The following NABP1 variants were observed in gnomAD, a reference collection of about 807,000 sequenced individuals.
NABP1 encodes SOSS complex subunit B2.
In NABP1, 18 loss-of-function variants were observed where a neutral mutation model predicts 25.0. The observed-to-expected ratio is 0.72, with a 90% CI of 0.50 to 1.07. The LOEUF is 1.07. Ranked by LOEUF, NABP1 falls within the 50% of genes least tolerant of loss-of-function variation. The pLI, the probability that NABP1 is intolerant of heterozygous loss-of-function variation, is 0.00. For synonymous variants in NABP1, 71 were observed against 85.0 expected (o/e 0.84, Z 0.91); for missense variants, 270 against 255.6 (o/e 1.06, Z -0.39).
chr2:191,680,007 G>C (rs565598912), intron 2 of NABP1, among the ~76,000 whole-genome samples: 1 of 152,122 alleles, frequency 6.6e-6, no homozygotes, highest in Non-Finnish European at 1.5e-5. Flanking sequence ...TGGATGTTGC[G>C]CAAAAACCAA....
Position 191,683,177 on chromosome 2 carries a change from A to C in NABP1, c.303-552A>C, listed in dbSNP as rs913278398. 6.1e-6 allele frequency: 1 copy of C among 163,392 alleles called. No homozygotes were observed. The highest frequency in any genetic ancestry group is 2.4e-5 in the African/African-American group (1 of 41,514). The allele number at this position is 163,392 out of a possible 1,614,324, so 10.1% of individuals were successfully genotyped here. ...AAATGCTTCTTTGTAATGTTAGTAC[A>C]CATTATATGGTCAACTTACAGGAAG... On this transcript the variant is annotated intron_variant, in intron 3 of 5. Transcript: ENST00000425611. This position sits in a 1 kb window ranked among gnomAD's most constrained non-coding sequence, Gnocchi z 4.1.
At position 191,684,249 on chromosome 2, in the gene NABP1, A is replaced by T; in HGVS notation, c.398A>T (p.Asn133Ile). The T allele has an allele frequency of 6.5e-7, 1 of 1,542,348 alleles. No individual in the cohort carries two copies. The highest frequency in any genetic ancestry group is 2.4e-5 in the East Asian group (1 of 40,892). ...TTTTAGGCACAGAGTGAACAGAAGA[A>T]TAATTCCATGAATAGTAATATGGGT... ...QNKGAQSEQK[N>I]NSMNSNMGTG... is the part of the protein sequence containing the mutation. Residue 133 changes from asparagine (N) to isoleucine (I), a missense_variant, in exon 5 of 6, where the codon AAT becomes ATT. By Grantham distance (149) the Asn-to-Ile change is moderately radical. Transcript: ENST00000425611.
rs943122713 is a variant in NABP1, at chr2:191,679,125, G to A, written c.227G>A (p.Arg76Lys). The change falls in exon 2 of 6, where the codon AGA (arginine) becomes AAA (lysine). Residue 76 changes from arginine to lysine, a missense_variant. Physicochemically the swap from Arg to Lys is conservative, Grantham distance 26 (BLOSUM62 2). Transcript: ENST00000425611. ...IQPGDIIRLT[R>K]GYASMWKGCL... is the part of the protein sequence containing the mutation. ...CCAGGGGATATTATTCGGTTGACCA[G>A]AGGGTAGGTGTGCAAAAAAGTCGGG... 2.5e-6 allele frequency: 4 copies of A among 1,614,054 alleles called. No homozygotes were observed. The African/African-American group carries it at 5.3e-5, about 22-fold the overall frequency.
At position 191,683,005 on chromosome 2, in the gene NABP1, C is replaced by T. The variant is rs1687728527; in HGVS notation, c.303-724C>T. The T allele has an allele frequency of 1.3e-5, 2 of 159,836 alleles. No individual in the cohort carries two copies. Among genetic ancestry groups the T allele is most frequent in the Admixed American group, 6.3e-5 (1 of 15,998 alleles). 9.9% of individuals were successfully genotyped at this position (159,836 alleles called of 1,614,324 possible). ...GATTCTGTCCTGACCTTCATGTATTCATACAGAGGTGTTGATAATAATGGA... is the reference window on the plus strand; with the variant it reads ...GATTCTGTCCTGACCTTCATGTATTTATACAGAGGTGTTGATAATAATGGA... On this transcript the variant is annotated intron_variant, in intron 3 of 5. Transcript: ENST00000425611. The surrounding 1 kb of genome is among the most constrained non-coding windows in gnomAD (Gnocchi z 4.1).
rs1257750879 is a variant in NABP1, at chr2:191,685,643, T to C, written c.490T>C (p.Ser164Pro). The change falls in exon 6 of 6, where the codon TCA becomes CCA. Residue 164 changes from serine to proline, a missense_variant. By Grantham distance (74) the Ser-to-Pro change is moderately conservative (BLOSUM62 -1). Transcript: ENST00000425611. ...CCCTGAATCAAGGGAACACCAGTTT[T>C]CACATGCTGGCAGAAGCAATGGCCG... ...TGPESREHQFSHAGRSNGRGL... is the reference protein window; with the variant it reads ...TGPESREHQFPHAGRSNGRGL... The C allele has an allele frequency of 6.8e-6, 11 of 1,613,834 alleles. No homozygotes were observed. The highest frequency in any genetic ancestry group is 5.0e-5 in the Admixed American group (3 of 59,972).
chr2:191,679,255 CCTTTGGTGTTAA>C, intron 2 of NABP1, 127 bp downstream of exon 2: 1 of 1,130,746 alleles, frequency 8.8e-7, no homozygotes, highest in Non-Finnish European at 1.3e-6. Context: ...GTTTTGAACT[CCTTTGGTGTTAA>C]CTTTGGGTGG....
Position 191,678,450 on chromosome 2 carries a change from C to A in NABP1, c.-165C>A. ...TTTCTTTTTTTAGGCTCAGTGCTGT[C>A]CGGGCTGGTTTGCCCGGTCCCTGAC... On this transcript the variant is annotated 5_prime_UTR_variant, in exon 1 of 6. Transcript: ENST00000425611. 3 of 279,826 alleles carry A rather than the reference C, an allele frequency of 1.1e-5. No individual in the cohort carries two copies. The highest frequency in any genetic ancestry group is 1.3e-5 in the Non-Finnish European group (2 of 153,638). 17.3% of individuals were successfully genotyped at this position (279,826 alleles called of 1,614,324 possible). A position where few individuals can be genotyped will look rare whatever the true frequency, so the allele number is the denominator to read the frequency against.
intron 1 of NABP1, 80 bp from the exon 2 acceptor site, chr2:191,678,910 A>G: frequency 6.3e-7 from 1 of 1,592,730 alleles, no homozygotes; most frequent in Non-Finnish European, 8.6e-7. Flanking sequence ...AGATGTATTA[A>G]AATACCGGAG....
At chr2:191,682,496 G>T (rs1687713407) in intron 3 of NABP1, 1 of 470,904 alleles carries the variant, frequency 2.1e-6, no homozygotes, top group African/African-American at 2.0e-5. Context: ...CCACAGTCTA[G>T]GTGCGGTGCA....
chr2:191,682,173 A>C, intron 3 of NABP1, 156 bp downstream of exon 3: 1 of 478,862 alleles, frequency 2.1e-6, no homozygotes, highest in Non-Finnish European at 3.8e-6. Flanking sequence ...GTGTATACAA[A>C]TTTAACACTT....
Position 191,685,730 on chromosome 2 carries a change from A to G in NABP1, c.577A>G (p.Ser193Gly), listed in dbSNP as rs144560484. 6 of 1,614,030 alleles carry G rather than the reference A, an allele frequency of 3.7e-6. No homozygotes were observed. The African/African-American group carries it at 8.0e-5, about 22-fold the overall frequency. Residue 193 changes from serine (S) to glycine (G), a missense_variant, in exon 6 of 6, where the codon AGT becomes GGT. Transcript: ENST00000425611. ...TAATCAAACAGTGATGACCACAATA[A>G]GTAATGGCAGGGACCCTCGGAGAGC... ...ASNQTVMTTISNGRDPRRAFK... is the reference protein window; with the variant it reads ...ASNQTVMTTIGNGRDPRRAFK...
intron 5 of NABP1, 135 bp from the exon 6 acceptor site, chr2:191,685,463 GT>G (rs1057293320): frequency 4.0e-4 from 293 of 737,380 alleles, no homozygotes; most frequent in Non-Finnish European, 4.7e-4. Context: ...AGCCCACATT[GT>G]TTTTTTTTTC....
intron 3 of NABP1, chr2:191,682,346 AGT>A: frequency 2.8e-6 from 1 of 354,200 alleles, no homozygotes; most frequent in South Asian, 2.3e-5. Context: ...TCTCTTTTGT[AGT>A]GATTCACCAT....
chr2:191,685,590 CT>C lies in NABP1; in HGVS notation c.446-3del. The C allele has an allele frequency of 4.4e-6, 7 of 1,599,444 alleles. No individual in the cohort carries two copies. Among genetic ancestry groups the C allele is most frequent in the Non-Finnish European group, 4.3e-6 (5 of 1,171,878 alleles). ...GAAAATAGTGATGAATTTTTGTATTCTTTTTTAGGAAATGGTGTTCACACTG... is the reference window on the plus strand; with the variant it reads ...GAAAATAGTGATGAATTTTTGTATTCTTTTTAGGAAATGGTGTTCACACTG... On this transcript the variant is annotated splice_polypyrimidine_tract_variant and splice_region_variant and intron_variant, in intron 5 of 5. Coordinates refer to ENST00000425611, the MANE Select transcript of NABP1 (RefSeq NM_001031716.5).
Position 191,678,455 on chromosome 2 carries a change from C to G in NABP1, c.-160C>G. Reference sequence around the variant, plus strand: ...TTTTTTAGGCTCAGTGCTGTCCGGGCTGGTTTGCCCGGTCCCTGACTAACG... The same window carrying G: ...TTTTTTAGGCTCAGTGCTGTCCGGGGTGGTTTGCCCGGTCCCTGACTAACG... On this transcript the variant is annotated 5_prime_UTR_variant, in exon 1 of 6. Coordinates refer to ENST00000425611, the MANE Select transcript of NABP1 (RefSeq NM_001031716.5). 1.2e-5 allele frequency: 3 copies of G among 255,224 alleles called. No individual in the cohort carries two copies. Among genetic ancestry groups the G allele is most frequent in the Non-Finnish European group, 2.2e-5 (3 of 138,064 alleles). The allele number at this position is 255,224 out of a possible 1,614,324, so 15.8% of individuals were successfully genotyped here.
Position 191,678,725 on chromosome 2 carries a change from T to G in NABP1, c.91+20T>G. 6.3e-7 allele frequency: 1 copy of G among 1,596,146 alleles called. No homozygotes were observed. Among genetic ancestry groups the G allele is most frequent in the Non-Finnish European group, 8.6e-7 (1 of 1,168,280 alleles). On this transcript the variant is annotated intron_variant, in intron 1 of 5. Coordinates refer to ENST00000425611, the MANE Select transcript of NABP1 (RefSeq NM_001031716.5). Reference sequence around the variant, plus strand: ...AGATAGGTAAGTGGGGTTTGCAGCCTACTCCACCGCCCGCTGTGCCTCCCG... The same window carrying G: ...AGATAGGTAAGTGGGGTTTGCAGCCGACTCCACCGCCCGCTGTGCCTCCCG...
In NABP1 at chr2:191,686,584, TAAAC is replaced by T. The variant is rs1687828065; in HGVS notation, c.*818_*821del. ...TATTTTAAACAATAGTTGTGGTAGA[TAAAC>T]ATACTGGAGGTGAGTCAAATTGAAT... On this transcript the variant is annotated 3_prime_UTR_variant, in exon 6 of 6. Transcript: ENST00000425611. 1 of 152,230 alleles carries T rather than the reference TAAAC, an allele frequency of 6.6e-6. No homozygotes were observed. The allele number at this position is 152,230 out of a possible 1,614,324, so 9.4% of individuals were successfully genotyped here.
Position 191,679,138 on chromosome 2 carries a change from C to CA in NABP1, c.230+16dup, listed in dbSNP as rs761171498. On this transcript the variant is annotated intron_variant, in intron 2 of 5. Coordinates refer to ENST00000425611, the MANE Select transcript of NABP1 (RefSeq NM_001031716.5). ...TTCGGTTGACCAGAGGGTAGGTGTG[C>CA]AAAAAAGTCGGGGGACCTAACAGTC... is the stretch of plus-strand genomic sequence containing the variant. The CA allele has an allele frequency of 5.6e-5, 90 of 1,613,518 alleles. No homozygotes were observed. In the Admixed American group the frequency reaches 1.2e-3, roughly 21 times the overall value.
At position 191,679,147 on chromosome 2, in the gene NABP1, CG is replaced by C; in HGVS notation, c.230+24del. The C allele has an allele frequency of 6.2e-7, 1 of 1,613,924 alleles. No homozygotes were observed. ...CCAGAGGGTAGGTGTGCAAAAAAGT[CG>C]GGGGACCTAACAGTCTGCAGAATCG... is the stretch of plus-strand genomic sequence containing the variant. On this transcript the variant is annotated intron_variant, in intron 2 of 5. Coordinates refer to ENST00000425611, the MANE Select transcript of NABP1 (RefSeq NM_001031716.5).
Sources: gnomAD v4.1 joint callset for allele counts (sites outside exome capture counted in the v4.1 genomes callset) on GRCh38, gnomAD v4.1.1 for gene constraint, Gnocchi (gnomAD v3.1) non-coding constraint, MANE v1.5 for transcripts, NCBI Gene and HGNC (gene_info 2026-07-23, HGNC 2026-07-21) for gene names.